The following C6 variants were observed in gnomAD, a reference collection of about 807,000 sequenced individuals.
The protein encoded by C6 is complement C6.
Under a neutral mutation model 112.9 loss-of-function variants are expected in C6, and 101 were observed. That is an observed-to-expected ratio of 0.89 (90% CI 0.76 to 1.06). The LOEUF (loss-of-function observed/expected upper bound fraction) is 1.06, where lower values mean the gene tolerates loss of function less well. C6 is among the 50% of genes least tolerant of loss of function. The pLI is 0.00. For synonymous variants in C6, 431 were observed against 384.1 expected (o/e 1.12, Z -1.43); for missense variants, 1,202 against 1,104.6 (o/e 1.09, Z -1.25).
intron 1 of C6, among the ~76,000 whole-genome samples, chr5:41,251,839 T>C (rs1464882476): frequency 6.6e-6 from 1 of 152,146 alleles, no homozygotes; most frequent in Non-Finnish European, 1.5e-5. Context: ...GCTGGGTATA[T>C]GGGAAATGCA....
intron 4 of C6, among the ~76,000 whole-genome samples, chr5:41,197,474 C>A (rs1464951217): frequency 1.3e-5 from 2 of 152,086 alleles, no homozygotes; most frequent in Non-Finnish European, 2.9e-5. Context: ...ATACATATTA[C>A]ATTTTTTAAA....
Position 41,176,578 on chromosome 5 carries a change from GC to G in C6, c.1064del (p.Ser355ThrfsTer32). 6.2e-7 allele frequency: 1 copy of G among 1,613,896 alleles called. No homozygotes were observed. Among genetic ancestry groups the G allele is most frequent in the Non-Finnish European group, 8.5e-7 (1 of 1,179,880 alleles). On this transcript the variant is annotated frameshift_variant, in exon 8 of 18. Transcript: ENST00000337836. LOFTEE classifies it high-confidence loss of function. ...LPLEYNSALY[S>X]RIFDDFGTHY... ...GAGTCCCAAAGTCATCGAATATTCG[GC>G]TGTACAAAGCAGAGTTGTATTCTAG... is the stretch of plus-strand genomic sequence containing the variant.
chr5:41,218,913 T>G (rs533152405), intron 1 of C6, among the ~76,000 whole-genome samples: 1 of 152,310 alleles, frequency 6.6e-6, no homozygotes, highest in African/African-American at 2.4e-5. Context: ...CACTTCCTTC[T>G]CTTGTGTTTC....
upstream of C6, among the ~76,000 whole-genome samples, chr5:41,217,312 C>T (rs563126456): frequency 2.2e-4 from 33 of 152,168 alleles, no homozygotes; most frequent in African/African-American, 7.7e-4. Context: ...TATTATTGCC[C>T]ACTCTTAGTC....
Position 41,181,266 on chromosome 5 carries a change from C to G in C6, c.927+93G>C, listed in dbSNP as rs1561136455. 3 of 1,149,434 alleles carry G rather than the reference C, an allele frequency of 2.6e-6. No individual in the cohort carries two copies. The East Asian group carries it at 7.1e-5, about 27-fold the overall frequency. 71.2% of individuals were successfully genotyped at this position (1,149,434 alleles called of 1,614,324 possible). Reference sequence around the variant, plus strand: ...ATCTGTATTAGAAGTCATACTGGTACAATATCAAAACTCTCCCCTTCTTAT... The same window carrying G: ...ATCTGTATTAGAAGTCATACTGGTAGAATATCAAAACTCTCCCCTTCTTAT... On this transcript the variant is annotated intron_variant, in intron 7 of 17. Transcript: ENST00000337836.
chr5:41,162,964 T>G (rs1747659912), intron 9 of C6, among the ~76,000 whole-genome samples: 3 of 152,150 alleles, frequency 2.0e-5, no homozygotes. Context: ...CGTCATGTTA[T>G]TTCATATTTA....
intron 15 of C6, among the ~76,000 whole-genome samples, 196 bp downstream of exon 15, chr5:41,153,614 A>G (rs1290687535): frequency 6.6e-6 from 1 of 152,204 alleles, no homozygotes; most frequent in Non-Finnish European, 1.5e-5. Flanking sequence ...CCCAGAAGAG[A>G]ATAAAGGACG....
chr5:41,223,478 G>A (rs188943878), intron 1 of C6, among the ~76,000 whole-genome samples: 1 of 152,162 alleles, frequency 6.6e-6, no homozygotes, highest in Admixed American at 6.6e-5. Flanking sequence ...TACCTTCATA[G>A]CCCTACTCCA....
At chr5:41,194,914 T>C (rs932163018) in intron 5 of C6, among the ~76,000 whole-genome samples, 6 of 152,146 alleles carry the variant, frequency 3.9e-5, no homozygotes, top group African/African-American at 7.2e-5. Flanking sequence ...TCTCCTGAGG[T>C]TTCTTCCAGG....
chr5:41,166,606 A>G (rs771308310), intron 9 of C6, among the ~76,000 whole-genome samples: 88 of 152,276 alleles, frequency 5.8e-4, no homozygotes, highest in Non-Finnish European at 9.3e-4. Flanking sequence ...TACTGAGGAC[A>G]TAAAGACCAT....
intron 1 of C6, among the ~76,000 whole-genome samples, chr5:41,244,430 C>A (rs1393993799): frequency 6.6e-6 from 1 of 152,136 alleles, no homozygotes; most frequent in Non-Finnish European, 1.5e-5. Context: ...GAATTTCATG[C>A]CCAGGATCAT....
chr5:41,172,568 A>G, intron 8 of C6: 4 of 591,434 alleles, frequency 6.8e-6, no homozygotes, highest in Non-Finnish European at 9.1e-6. Context: ...GTGAGTGCCC[A>G]TCATCTCCCC....
chr5:41,151,899 T>C (rs1746432604), intron 15 of C6, among the ~76,000 whole-genome samples: 1 of 151,802 alleles, frequency 6.6e-6, no homozygotes, highest in Admixed American at 6.6e-5. Context: ...AATATGGATG[T>C]GAATGGCTTG....
At position 41,142,970 on chromosome 5, in the gene C6, T is replaced by C; in HGVS notation, c.2660A>G (p.Gln887Arg). Residue 887 changes from glutamine (Q) to arginine (R), a missense_variant, in exon 18 of 18, where the codon CAG becomes CGG. Physicochemically the swap from Gln to Arg is conservative, Grantham distance 43. Transcript: ENST00000337836. ...GAGTTGGTTTCCACCCTTGAAGCAC[T>C]GTGGGGGCAATAGGCAGACACATTT... is the stretch of plus-strand genomic sequence containing the variant. ...TSKCVCLLPP[Q>R]CFKGGNQLYC... is the part of the protein sequence containing the mutation. 6.2e-7 allele frequency: 1 copy of C among 1,613,538 alleles called. No individual in the cohort carries two copies. The highest frequency in any genetic ancestry group is 8.5e-7 in the Non-Finnish European group (1 of 1,179,742).
intron 5 of C6, among the ~76,000 whole-genome samples, chr5:41,186,620 C>G (rs756432074): frequency 6.6e-6 from 1 of 151,976 alleles, no homozygotes; most frequent in Non-Finnish European, 1.5e-5. Context: ...AAAATAGTAA[C>G]AGCAATATTT....
intron 1 of C6, among the ~76,000 whole-genome samples, chr5:41,230,090 T>C (rs977109762): frequency 6.6e-6 from 1 of 152,178 alleles, no homozygotes; most frequent in African/African-American, 2.4e-5. Context: ...TGTCTTTACT[T>C]TAATCTCATA....
chr5:41,254,187 G>A (rs1333944181), intron 1 of C6, among the ~76,000 whole-genome samples: 1 of 152,118 alleles, frequency 6.6e-6, no homozygotes, highest in Non-Finnish European at 1.5e-5. Flanking sequence ...GGATCACTAG[G>A]TCAAGAGATC....
At chr5:41,253,878 C>A (rs374936725) in intron 1 of C6, among the ~76,000 whole-genome samples, 1 of 152,122 alleles carries the variant, frequency 6.6e-6, no homozygotes, top group South Asian at 2.1e-4. Context: ...TTGTATGCAA[C>A]AGTGAAAAAA....
At chr5:41,176,335 T>G in intron 8 of C6, 140 bp downstream of exon 8, 1 of 892,578 alleles carries the variant, frequency 1.1e-6, no homozygotes, top group Admixed American at 2.8e-5. Flanking sequence ...TGTGTATTTT[T>G]TATCATTCTT....
Sources: gnomAD v4.1 joint callset for allele counts (sites outside exome capture counted in the v4.1 genomes callset) on GRCh38, gnomAD v4.1.1 for gene constraint, MANE v1.5 for transcripts, NCBI Gene and HGNC (gene_info 2026-07-23, HGNC 2026-07-21) for gene names.